The following SMAD4 variants were observed in gnomAD, a reference collection of about 807,000 sequenced individuals.
SMAD4 encodes SMAD family member 4.
In SMAD4, 7 loss-of-function variants were observed where a neutral mutation model predicts 63.2. That is an observed-to-expected ratio of 0.11 (90% CI 0.06 to 0.21). The LOEUF is 0.21. Ranked by LOEUF, SMAD4 falls within the 10% of genes least tolerant of loss-of-function variation. The pLI, the probability that SMAD4 is intolerant of heterozygous loss-of-function variation, is 1.00. For synonymous variants in SMAD4, 215 were observed against 235.4 expected (o/e 0.91, Z 0.79); for missense variants, 312 against 693.8 (o/e 0.45, Z 6.18).
chr18:51,046,384 A>G (rs543785197), intron 1 of SMAD4, among the ~76,000 whole-genome samples: 102 of 150,154 alleles, frequency 6.8e-4, no homozygotes, highest in Non-Finnish European at 1.3e-3. Context: ...CTTATTGGCC[A>G]TCGTCTTTGG....
chr18:51,058,942 A>G (rs1909927755), intron 7 of SMAD4, among the ~76,000 whole-genome samples: 1 of 152,216 alleles, frequency 6.6e-6, no homozygotes. Flanking sequence ...CATTGTTCAT[A>G]TGGCTTAGTA....
Position 51,080,480 on chromosome 18 carries a change from TA to T in SMAD4, c.*2015del, listed in dbSNP as rs1477967019. ...TGAGGAATAGGAGTGAGTTTTAGAA[TA>T]ACAGATTTTTAAAAATCCAGATGAT... On this transcript the variant is annotated 3_prime_UTR_variant, in exon 12 of 12. Transcript: ENST00000342988. 1.3e-5 allele frequency: 3 copies of T among 224,972 alleles called. No individual in the cohort carries two copies. Among genetic ancestry groups the T allele is most frequent in the Non-Finnish European group, 2.7e-5 (3 of 113,010 alleles). 13.9% of individuals were successfully genotyped at this position (224,972 alleles called of 1,614,324 possible).
chr18:51,058,144 G>C lies in SMAD4; in HGVS notation c.687G>C (p.Leu229=), dbSNP rs776840348. 3 of 1,613,888 alleles carry C rather than the reference G, an allele frequency of 1.9e-6. No homozygotes were observed. In the African/African-American group the frequency reaches 4.0e-5, roughly 22 times the overall value. The stretch of plus-strand genomic sequence containing the variant: ...CTCTAGGTCAGCCTGCCAGTATACT[G>C]GGGGGCAGCCATAGTGAAGGACTGT... ...VASTSQPASI[L]GGSHSEGLLQ... Residue 229 remains leucine (L), a synonymous_variant, in exon 6 of 12, where the codon CTG becomes CTC. Transcript: ENST00000342988.
intron 1 of SMAD4, among the ~76,000 whole-genome samples, chr18:51,036,579 T>C (rs921270567): frequency 6.6e-6 from 1 of 151,540 alleles, no homozygotes; most frequent in Non-Finnish European, 1.5e-5. Context: ...GCTGAAATAA[T>C]GAAGGGGCTG....
Position 51,049,279 on chromosome 18 carries a change from C to G in SMAD4, c.425-16C>G, listed in dbSNP as rs1909636451. 6.5e-7 allele frequency: 1 copy of G among 1,541,458 alleles called. No homozygotes were observed. The highest frequency in any genetic ancestry group is 9.0e-7 in the Non-Finnish European group (1 of 1,115,554). ...ATGATTAATGTTTCATTTGTTTTCC[C>G]CTTTAAACAATTAAGATCTCTCAGG... On this transcript the variant is annotated splice_polypyrimidine_tract_variant and intron_variant, in intron 3 of 11. Coordinates refer to ENST00000342988, the MANE Select transcript of SMAD4 (RefSeq NM_005359.6).
At chr18:51,033,044 A>G (rs575849748) in intron 1 of SMAD4, among the ~76,000 whole-genome samples, 66 of 152,102 alleles carry the variant, frequency 4.3e-4, no homozygotes, top group African/African-American at 1.6e-3. Context: ...CTGTGTGGTT[A>G]CGCCCCAAAA....
At chr18:51,070,209 G>A (rs1275714630) in intron 10 of SMAD4, among the ~76,000 whole-genome samples, 1 of 152,180 alleles carries the variant, frequency 6.6e-6, no homozygotes, top group Non-Finnish European at 1.5e-5. Flanking sequence ...ATATGGAGTA[G>A]TATTTAAAAC....
At chr18:51,075,603 G>T (rs1910451741) in intron 10 of SMAD4, among the ~76,000 whole-genome samples, 1 of 152,000 alleles carries the variant, frequency 6.6e-6, no homozygotes, top group African/African-American at 2.4e-5. Context: ...AATATTTTAG[G>T]AAGATTTTTT....
chr18:51,082,544 A>T lies in SMAD4; in HGVS notation c.*4077A>T, dbSNP rs1055730755. 1.3e-5 allele frequency: 3 copies of T among 228,126 alleles called. No individual in the cohort carries two copies. In the South Asian group the frequency reaches 5.5e-4, roughly 42 times the overall value. 14.1% of individuals were successfully genotyped at this position (228,126 alleles called of 1,614,324 possible). A position where few individuals can be genotyped will look rare whatever the true frequency, so the allele number is the denominator to read the frequency against. ...ATCATCCAGAATTGCCTTATTTAAG[A>T]AGTAAAACGTTTTAATTTTTAGCCT... On this transcript the variant is annotated 3_prime_UTR_variant, in exon 12 of 12. Coordinates refer to ENST00000342988, the MANE Select transcript of SMAD4 (RefSeq NM_005359.6).
In SMAD4 at chr18:51,058,141, A is replaced by C. The variant is rs1555685906; in HGVS notation, c.684A>C (p.Ile228=). The C allele has an allele frequency of 6.2e-7, 1 of 1,614,178 alleles. No individual in the cohort carries two copies. Among genetic ancestry groups the C allele is most frequent in the Admixed American group, 1.7e-5 (1 of 60,022 alleles). Residue 228 remains isoleucine (I), a synonymous_variant, in exon 6 of 12, where the codon ATA becomes ATC. Transcript: ENST00000342988. ...TTCCTCTAGGTCAGCCTGCCAGTAT[A>C]CTGGGGGGCAGCCATAGTGAAGGAC... is the stretch of plus-strand genomic sequence containing the variant. ...PVASTSQPAS[I]LGGSHSEGLL... is the part of the protein sequence containing the mutation.
At chr18:51,040,346 C>G (rs1370333488) in intron 1 of SMAD4, among the ~76,000 whole-genome samples, 2 of 151,890 alleles carry the variant, frequency 1.3e-5, no homozygotes, top group Non-Finnish European at 2.9e-5. Context: ...ATCGCTTGAA[C>G]CCAGGAGGCA....
In SMAD4 at chr18:51,084,017, C is replaced by CACACAG. The variant is rs1357951916; in HGVS notation, c.*5555_*5556insGACACA. 4 of 88,058 alleles carry CACACAG rather than the reference C, an allele frequency of 4.5e-5. No individual in the cohort carries two copies. Among genetic ancestry groups the CACACAG allele is most frequent in the Non-Finnish European group, 8.8e-5 (4 of 45,676 alleles). The allele number at this position is 88,058 out of a possible 1,614,324, so 5.5% of individuals were successfully genotyped here. On this transcript the variant is annotated 3_prime_UTR_variant, in exon 12 of 12. Transcript: ENST00000342988. ...GCGCGTGCGCACGCGCGCGCGCACA[C>CACACAG]ACACACACACACACACACACACACA...
intron 1 of SMAD4, among the ~76,000 whole-genome samples, chr18:51,032,729 T>C (rs1909087996): frequency 6.6e-6 from 1 of 152,108 alleles, no homozygotes; most frequent in South Asian, 2.1e-4. Context: ...TTAGACACTA[T>C]TCTAATTGAG....
At position 51,082,176 on chromosome 18, in the gene SMAD4, C is replaced by T. The variant is rs944517333; in HGVS notation, c.*3709C>T. On this transcript the variant is annotated 3_prime_UTR_variant, in exon 12 of 12. Transcript: ENST00000342988. ...AGCAATTACCTCTAAAGCCAGTTAA[C>T]AATTATTTTGTAGGTGGGGTACACT... 6 of 229,656 alleles carry T rather than the reference C, an allele frequency of 2.6e-5. No individual in the cohort carries two copies. In the East Asian group the frequency reaches 3.8e-4, roughly 14 times the overall value. The allele number at this position is 229,656 out of a possible 1,614,324, so 14.2% of individuals were successfully genotyped here. A position where few individuals can be genotyped will look rare whatever the true frequency, so the allele number is the denominator to read the frequency against.
Position 51,082,973 on chromosome 18 carries a change from A to G in SMAD4, c.*4506A>G, listed in dbSNP as rs1228668855. The G allele has an allele frequency of 4.4e-6, 1 of 226,326 alleles. No individual in the cohort carries two copies. The highest frequency in any genetic ancestry group is 5.7e-5 in the Admixed American group (1 of 17,540). 14.0% of individuals were successfully genotyped at this position (226,326 alleles called of 1,614,324 possible). ...CCTGTGAAGTGCTGAAAAAGACCTC[A>G]TTGTATTGGCATTTGATATCAGTTT... On this transcript the variant is annotated 3_prime_UTR_variant, in exon 12 of 12. Transcript: ENST00000342988.
chr18:51,058,212 G>T lies in SMAD4; in HGVS notation c.755G>T (p.Gly252Val), dbSNP rs878854768. 4 of 1,614,122 alleles carry T rather than the reference G, an allele frequency of 2.5e-6. No homozygotes were observed. The highest frequency in any genetic ancestry group is 3.4e-6 in the Non-Finnish European group (4 of 1,180,020). ...CCTCAGCCAGGACAGCAGCAGAATG[G>T]ATTTACTGGTCAGCCAGCTACTTAC... ...SGPQPGQQQN[G>V]FTGQPATYHH... The change falls in exon 6 of 12, where the codon GGA becomes GTA. Residue 252 changes from glycine (G) to valine (V), a missense_variant. Gly to Val is a moderately radical substitution (Grantham distance 109). This residue lies in a region of SMAD4 where 169 missense variants were observed against 211.0 expected (regional missense o/e 0.80). Transcript: ENST00000342988.
intron 4 of SMAD4, chr18:51,054,504 T>A: frequency 2.4e-6 from 1 of 420,604 alleles, no homozygotes. Flanking sequence ...GGAGTACCTT[T>A]TTAGGATTGT....
At position 51,054,920 on chromosome 18, in the gene SMAD4, A is replaced by C. The variant is rs547278031; in HGVS notation, c.594A>C (p.Pro198=). 3.7e-6 allele frequency: 6 copies of C among 1,614,118 alleles called. No individual in the cohort carries two copies. The South Asian group carries it at 6.6e-5, about 18-fold the overall frequency. Residue 198 remains proline (P), a synonymous_variant, in exon 5 of 12, where the codon CCA becomes CCC. Coordinates refer to ENST00000342988, the MANE Select transcript of SMAD4 (RefSeq NM_005359.6). ...CATCGACAGAGACATACAGCACCCC[A>C]GCTCTGTTAGCCCCATCTGAGTCTA... ...NRASTETYST[P]ALLAPSESNA...
chr18:51,035,241 G>A (rs1003632564), intron 1 of SMAD4, among the ~76,000 whole-genome samples: 6 of 152,116 alleles, frequency 3.9e-5, no homozygotes, highest in Non-Finnish European at 2.9e-5. Context: ...TAAGTTTTAG[G>A]AAGCTGTATT....
Sources: gnomAD v4.1 joint callset for allele counts (sites outside exome capture counted in the v4.1 genomes callset) on GRCh38, gnomAD v4.1.1 for gene constraint, gnomAD v4.1.1 regional missense constraint, MANE v1.5 for transcripts, NCBI Gene and HGNC (gene_info 2026-07-23, HGNC 2026-07-21) for gene names.